Variants in MYH2 observed in about 807,000 individuals in gnomAD.
MYH2 encodes myosin heavy chain 2.
Under a neutral mutation model 228.1 loss-of-function variants are expected in MYH2, and 139 were observed. The ratio of observed to expected loss-of-function variants is 0.61; its 90% CI spans 0.53 to 0.70. The LOEUF is 0.70. Among genes scored for constraint, MYH2 ranks in the 30% least tolerant of loss-of-function variants. The probability of loss-of-function intolerance (pLI) is 0.00; values close to 1 mark genes in which losing one functional copy is unlikely to be tolerated. For missense variants in MYH2, 1,809 were observed against 2,357.5 expected (o/e 0.77, Z 4.82); for synonymous variants, 796 against 871.1 (o/e 0.91, Z 1.52).
rs947669039 is a variant in MYH2, at chr17:10,525,244, C to A, written c.4642G>T (p.Ala1548Ser). Reference protein sequence around the residue: ...QVEQEKCELQAALEEAEASLE... With the variant: ...QVEQEKCELQSALEEAEASLE... ...TGTACCTCTGCTTCTTCTAAAGCAG[C>A]CTGAAGTTCACACTTTTCTTGTTCC... Residue 1548 changes from alanine to serine, a missense_variant, in exon 33 of 40, where the codon GCT becomes TCT. Coordinates refer to ENST00000245503, the MANE Select transcript of MYH2 (RefSeq NM_017534.6). The surrounding 1 kb of genome is among the most constrained non-coding windows in gnomAD (Gnocchi z 4.2). 3.7e-6 allele frequency: 6 copies of A among 1,613,978 alleles called. No individual in the cohort carries two copies. In the African/African-American group the frequency reaches 6.7e-5, roughly 18 times the overall value.
At chr17:10,545,930 T>C (rs900381529) in intron 4 of MYH2, among the ~76,000 whole-genome samples, 1 of 152,170 alleles carries the variant, frequency 6.6e-6, no homozygotes, top group Non-Finnish European at 1.5e-5. Flanking sequence ...AGCTTTCTTA[T>C]TGCTCTCCTC....
At chr17:10,546,888 TG>T (rs1278648572) in intron 4 of MYH2, among the ~76,000 whole-genome samples, 2 of 150,312 alleles carry the variant, frequency 1.3e-5, no homozygotes, top group African/African-American at 2.5e-5. Context: ...GAGACCAGTC[TG>T]GGCAACATAG....
At chr17:10,545,933 C>T (rs2073623555) in intron 4 of MYH2, among the ~76,000 whole-genome samples, 1 of 152,040 alleles carries the variant, frequency 6.6e-6, no homozygotes. Flanking sequence ...TTTCTTATTG[C>T]TCTCCTCAGG....
rs570876808 is a variant in MYH2 at position 10,523,761 on chromosome 17, C to T, written c.5299G>A (p.Asp1767Asn). ...GGACAAGTGTGCCTGCCACTCACAT[C>T]AGTGATGGCCTTCTTGGCCTTTTCT... ...AEEKAKKAIT[D>N]AAMMAEELKK... The change falls in exon 36 of 40, where the codon GAT becomes AAT. Residue 1767 changes from aspartate (D) to asparagine (N), a missense_variant and splice_region_variant. By Grantham distance (23) the Asp-to-Asn change is conservative. This residue lies in a region of MYH2 where 278 missense variants were observed against 308.5 expected (regional missense o/e 0.90). Transcript: ENST00000245503. 3 of 1,614,248 alleles carry T rather than the reference C, an allele frequency of 1.9e-6. No homozygotes were observed. The highest frequency in any genetic ancestry group is 1.1e-5 in the South Asian group (1 of 91,082).
intron 30 of MYH2, 137 bp from the exon 31 acceptor site, chr17:10,526,013 T>G: frequency 1.2e-5 from 12 of 1,027,382 alleles, no homozygotes; most frequent in Non-Finnish European, 1.6e-5. Context: ...CAAATATTGA[T>G]GAGCCCCTTT....
rs1376514619 is a variant in MYH2 at position 10,546,255 on chromosome 17, T to TTATATATATATATATATA, written c.349-754_349-753insTATATATATATATATATA. 8.5e-3 allele frequency among the ~76,000 whole-genome samples: 232 copies of TTATATATATATATATATA among 27,140 alleles called. 13 individuals carry two copies. The highest frequency in any genetic ancestry group is 0.036 in the South Asian group (19 of 522). The allele number at this position is 27,140 out of a possible 152,430, so 17.8% of individuals were successfully genotyped here. A position where few individuals can be genotyped will look rare whatever the true frequency, so the allele number is the denominator to read the frequency against. On this transcript the variant is annotated intron_variant, in intron 4 of 39. Coordinates refer to ENST00000245503, the MANE Select transcript of MYH2 (RefSeq NM_017534.6). ...AGTTATAAGGAAACAGGACACGAAA[T>TTATATATATATATATATA]GATATATATATATATATATATATAT...
chr17:10,521,394 C>G lies in MYH2; in HGVS notation c.5712G>C (p.Lys1904Asn), dbSNP rs1451747510. ...CGGCCTCCTCCAGCTCATGCTGGAG[C>G]TTGCGGAATTTAGCTAGATTGGTGT... is the stretch of plus-strand genomic sequence containing the variant. ...QSNTNLAKFR[K>N]LQHELEEAEE... Residue 1904 changes from lysine (K) to asparagine (N), a missense_variant, in exon 40 of 40, where the codon AAG becomes AAC. Physicochemically the swap from Lys to Asn is moderately conservative, Grantham distance 94. This residue lies in a region of MYH2 where 278 missense variants were observed against 308.5 expected (regional missense o/e 0.90). Transcript: ENST00000245503. 1 of 1,614,074 alleles carries G rather than the reference C, an allele frequency of 6.2e-7. No individual in the cohort carries two copies. Among genetic ancestry groups the G allele is most frequent in the Admixed American group, 1.7e-5 (1 of 60,016 alleles).
At position 10,547,935 on chromosome 17, in the gene MYH2, G is replaced by A; in HGVS notation, c.-15C>T. On this transcript the variant is annotated 5_prime_UTR_variant, in exon 3 of 40. Coordinates refer to ENST00000245503, the MANE Select transcript of MYH2 (RefSeq NM_017534.6). ...TCTGAACTCATGGCTGCTGAACTCA[G>A]AGGTCCTAAAGGAGATAAAACTTTC... The A allele has an allele frequency of 6.2e-7, 1 of 1,613,816 alleles. No individual in the cohort carries two copies. Among genetic ancestry groups the A allele is most frequent in the Non-Finnish European group, 8.5e-7 (1 of 1,179,764 alleles).
In MYH2 at chr17:10,525,564, G is replaced by A; in HGVS notation, c.4424C>T (p.Ala1475Val). 6.2e-7 allele frequency: 1 copy of A among 1,614,150 alleles called. No individual in the cohort carries two copies. Among genetic ancestry groups the A allele is most frequent in the South Asian group, 1.1e-5 (1 of 91,074 alleles). ...AAGGGAACGGGCCTCCTTCTGGGAG[G>A]CCTCAAGCTCAGCATGCGTTTCCTC... The part of the protein sequence containing the change: ...KCEETHAELE[A>V]SQKEARSLGT... The change falls in exon 32 of 40, where the codon GCC (alanine) becomes GTC (valine). Residue 1475 changes from alanine (A) to valine (V), a missense_variant. Ala to Val is a moderately conservative substitution (Grantham distance 64). Transcript: ENST00000245503. The surrounding 1 kb of genome is among the most constrained non-coding windows in gnomAD (Gnocchi z 4.2).
At position 10,525,418 on chromosome 17, in the gene MYH2, T is replaced by G; in HGVS notation, c.4537+33A>C. The G allele has an allele frequency of 1.2e-6, 2 of 1,614,068 alleles. No individual in the cohort carries two copies. The highest frequency in any genetic ancestry group is 2.7e-5 in the African/African-American group (2 of 75,048). Reference sequence around the variant, plus strand: ...GACATAAGGGAGAGATTCTTCCAAGTTATGAATATTATTGAATATGATAGG... The same window carrying G: ...GACATAAGGGAGAGATTCTTCCAAGGTATGAATATTATTGAATATGATAGG... On this transcript the variant is annotated intron_variant, in intron 32 of 39. Coordinates refer to ENST00000245503, the MANE Select transcript of MYH2 (RefSeq NM_017534.6). This position sits in a 1 kb window ranked among gnomAD's most constrained non-coding sequence, Gnocchi z 4.2.
rs763200709 is a variant in MYH2 at position 10,539,961 on chromosome 17, G to T, written c.1114C>A (p.Arg372Ser). The change falls in exon 12 of 40, where the codon CGT (arginine) becomes AGT (serine). Residue 372 changes from arginine to serine, a missense_variant. Arg to Ser is a moderately radical substitution (Grantham distance 110). This residue lies in a region of MYH2 where 373 missense variants were observed against 620.4 expected (regional missense o/e 0.60). Transcript: ENST00000245503. Reference protein sequence around the residue: ...YGNLKFKQKQREEQAEPDGTE... With the variant: ...YGNLKFKQKQSEEQAEPDGTE... ...CCATCTGGCTCTGCTTGCTCCTCAC[G>T]CTGCTTTTGCTTAAATTTTAGGTTC... The T allele has an allele frequency of 6.2e-7, 1 of 1,613,770 alleles. No individual in the cohort carries two copies. The highest frequency in any genetic ancestry group is 1.3e-5 in the African/African-American group (1 of 74,840).
intron 9 of MYH2, 47 bp from the exon 10 acceptor site, chr17:10,543,020 G>T (rs749918262): frequency 6.3e-7 from 1 of 1,587,434 alleles, no homozygotes; most frequent in South Asian, 1.1e-5. Flanking sequence ...AAATTCATGT[G>T]ACATGCGAAT....
chr17:10,533,537 T>G lies in MYH2; in HGVS notation c.2276A>C (p.His759Pro), dbSNP rs1166060339. The change falls in exon 20 of 40, where the codon CAC becomes CCC. Residue 759 changes from histidine to proline, a missense_variant. By Grantham distance (77) the His-to-Pro change is moderately conservative. Transcript: ENST00000245503. ...GGTGTGCCCAAATTTATACTGGGTG[T>G]GGTCAATGTCGATGGATGCAAGGAG... The part of the protein sequence containing the change: ...EKLLASIDID[H>P]TQYKFGHTKV... 6.2e-7 allele frequency: 1 copy of G among 1,614,206 alleles called. No homozygotes were observed. The highest frequency in any genetic ancestry group is 1.7e-5 in the Admixed American group (1 of 60,030).
Position 10,539,392 on chromosome 17 carries a change from G to C in MYH2, c.1267-38C>G, listed in dbSNP as rs201789061. ...AATTATAACTCTCGAAGTTATTAAA[G>C]GCCTATGAAAATGCTTTCATCCCTG... On this transcript the variant is annotated intron_variant, in intron 13 of 39. Transcript: ENST00000245503. 9.2e-5 allele frequency: 148 copies of C among 1,614,152 alleles called. 1 individual carries two copies. The highest frequency in any genetic ancestry group is 1.1e-4 in the Non-Finnish European group (133 of 1,180,000).
chr17:10,547,421 G>C, intron 4 of MYH2, 54 bp downstream of exon 4: 1 of 1,605,786 alleles, frequency 6.2e-7, no homozygotes, highest in Non-Finnish European at 8.5e-7. Flanking sequence ...GGAAGAAGCA[G>C]GATGGTAGGG....
Position 10,524,374 on chromosome 17 carries a change from A to G in MYH2, c.5175+92T>C. 2.7e-6 allele frequency: 4 copies of G among 1,503,730 alleles called. No individual in the cohort carries two copies. Among genetic ancestry groups the G allele is most frequent in the Non-Finnish European group, 3.7e-6 (4 of 1,080,070 alleles). 93.1% of individuals were successfully genotyped at this position (1,503,730 alleles called of 1,614,324 possible). ...TATTTGAAAAGAAAATTTGATAGAC[A>G]TATTAGGTCTAGCTGTCTTATGAAA... On this transcript the variant is annotated intron_variant, in intron 35 of 39. Coordinates refer to ENST00000245503, the MANE Select transcript of MYH2 (RefSeq NM_017534.6). This position sits in a 1 kb window ranked among gnomAD's most constrained non-coding sequence, Gnocchi z 4.7.
Position 10,543,081 on chromosome 17 carries a change from GA to G in MYH2, c.805+16del, listed in dbSNP as rs1246720453. 3.1e-6 allele frequency: 5 copies of G among 1,606,330 alleles called. No homozygotes were observed. Among genetic ancestry groups the G allele is most frequent in the Middle Eastern group, 1.6e-4 (1 of 6,068 alleles). On this transcript the variant is annotated intron_variant, in intron 9 of 39. Coordinates refer to ENST00000245503, the MANE Select transcript of MYH2 (RefSeq NM_017534.6). ...CATATGAATCAGAAATGATTTTAAAGATATCTGAACACTTACATGTTTCAAT... is the reference window on the plus strand; with the variant it reads ...CATATGAATCAGAAATGATTTTAAAGTATCTGAACACTTACATGTTTCAAT...
Position 10,543,820 on chromosome 17 carries a change from A to G in MYH2, c.649-17T>C. On this transcript the variant is annotated splice_polypyrimidine_tract_variant and intron_variant, in intron 7 of 39. Transcript: ENST00000245503. ...CAGAGTCCCCTGCAAAGGCAAGAGC[A>G]GTCCTTGCATCTGGGGCTTGGGAAT... 1 of 1,613,860 alleles carries G rather than the reference A, an allele frequency of 6.2e-7. No homozygotes were observed. Among genetic ancestry groups the G allele is most frequent in the Non-Finnish European group, 8.5e-7 (1 of 1,179,708 alleles).
In MYH2 at chr17:10,521,229, G is replaced by A. The variant is rs2286357; in HGVS notation, c.*51C>T. ...ATAATTACAGAGGGAAATGACCAAA[G>A]ATGTCACATTTTGTGCCTGTCTTCA... On this transcript the variant is annotated 3_prime_UTR_variant, in exon 40 of 40. Coordinates refer to ENST00000245503, the MANE Select transcript of MYH2 (RefSeq NM_017534.6). 7.5e-6 allele frequency: 12 copies of A among 1,599,418 alleles called. No homozygotes were observed. The highest frequency in any genetic ancestry group is 8.6e-6 in the Non-Finnish European group (10 of 1,168,416).
Sources: gnomAD v4.1 joint callset for allele counts (sites outside exome capture counted in the v4.1 genomes callset) on GRCh38, gnomAD v4.1.1 for gene constraint, gnomAD v4.1.1 regional missense constraint, Gnocchi (gnomAD v3.1) non-coding constraint, MANE v1.5 for transcripts, NCBI Gene and HGNC (gene_info 2026-07-23, HGNC 2026-07-21) for gene names.